Variants in BDP1 observed in about 807,000 individuals in gnomAD.
The protein encoded by BDP1 is transcription factor TFIIIB component B'' homolog.
A neutral mutation model predicts 266.6 loss-of-function variants in BDP1; 169 were observed. The ratio of observed to expected loss-of-function variants is 0.63; its 90% CI spans 0.56 to 0.72. The LOEUF (loss-of-function observed/expected upper bound fraction) is 0.72. BDP1 is among the 30% of genes least tolerant of loss of function. The pLI, the probability that BDP1 is intolerant of heterozygous loss-of-function variation, is 0.00. For synonymous variants in BDP1, 1,090 were observed against 1,022.4 expected, an observed-to-expected ratio of 1.07 and a Z score of -1.26; for missense variants, 3,015 against 3,053.8, an observed-to-expected ratio of 0.99 and a Z score of 0.30.
At chr5:71,469,638 G>A (rs1204987770) in intron 6 of BDP1, among the ~76,000 whole-genome samples, 1 of 151,700 alleles carries the variant, frequency 6.6e-6, no homozygotes, top group African/African-American at 2.4e-5. Context: ...TTTTGAGGTG[G>A]AGTCTCGCTC....
intron 32 of BDP1, among the ~76,000 whole-genome samples, chr5:71,546,850 CT>C (rs35400784): frequency 0.44 from 67,258 of 151,286 alleles, 15,326 homozygotes; most frequent in South Asian, 0.55. Flanking sequence ...TCCATTATAG[CT>C]TTTTTTCTTT....
Position 71,542,213 on chromosome 5 carries a change from G to C in BDP1, c.6360G>C (p.Gln2120His). 1.2e-6 allele frequency: 2 copies of C among 1,613,344 alleles called. No homozygotes were observed. Among genetic ancestry groups the C allele is most frequent in the Non-Finnish European group, 1.7e-6 (2 of 1,179,760 alleles). ...TLGTNRLDDY[Q>H]EVSSLCVTKG... Reference sequence around the variant, plus strand: ...GGACCAACAGGCTTGATGATTATCAGGAAGTTTCCAGTTTGTGTGTAACCA... The same window carrying C: ...GGACCAACAGGCTTGATGATTATCACGAAGTTTCCAGTTTGTGTGTAACCA... Residue 2120 changes from glutamine to histidine, a missense_variant, in exon 30 of 39, where the codon CAG becomes CAC. Physicochemically the swap from Gln to His is conservative, Grantham distance 24. Coordinates refer to ENST00000358731, the MANE Select transcript of BDP1 (RefSeq NM_018429.3).
chr5:71,560,422 AAG>A (rs1743560174), intron 37 of BDP1, among the ~76,000 whole-genome samples, 185 bp downstream of exon 37: 2 of 152,246 alleles, frequency 1.3e-5, no homozygotes, highest in African/African-American at 2.4e-5. Context: ...TCTGTACAAT[AAG>A]AGCTTAAGTG....
Position 71,470,475 on chromosome 5 carries a change from AG to A in BDP1, c.1002del (p.Ile335Ter). 1.2e-6 allele frequency: 2 copies of A among 1,609,168 alleles called. No homozygotes were observed. The highest frequency in any genetic ancestry group is 1.7e-6 in the Non-Finnish European group (2 of 1,176,490). On this transcript the variant is annotated frameshift_variant, in exon 7 of 39. Coordinates refer to ENST00000358731, the MANE Select transcript of BDP1 (RefSeq NM_018429.3). LOFTEE classifies it high-confidence loss of function. ...MIGQLFPHRARIEIKNKFKRE... is the reference protein window; with the variant it reads ...MIGQLFPHRAXIEIKNKFKRE... ...CGGACAACTTTTTCCTCACAGAGCA[AG>A]GATAGAAATTAAGGTAAAGTAAACC...
rs1287847500 is a variant in BDP1 at position 71,491,042 on chromosome 5, G to A, written c.1551G>A (p.Met517Ile). 6.2e-7 allele frequency: 1 copy of A among 1,613,854 alleles called. No homozygotes were observed. The highest frequency in any genetic ancestry group is 8.5e-7 in the Non-Finnish European group (1 of 1,179,898). Residue 517 changes from methionine (M) to isoleucine (I), a missense_variant, in exon 11 of 39, where the codon ATG becomes ATA. Physicochemically the swap from Met to Ile is conservative, Grantham distance 10. This residue lies in a region of BDP1 where 2,383 missense variants were observed against 2,404.9 expected (regional missense o/e 0.99). Transcript: ENST00000358731. ...AAGGTGAATGCAGTAAGGAGCAGATGCTTTCCTGCACACAAAACATAGATG... is the reference window on the plus strand; with the variant it reads ...AAGGTGAATGCAGTAAGGAGCAGATACTTTCCTGCACACAAAACATAGATG... ...LKEGECSKEQ[M>I]LSCTQNIDGI... is the part of the protein sequence containing the mutation.
intron 12 of BDP1, among the ~76,000 whole-genome samples, chr5:71,495,915 G>C (rs1317334143): frequency 6.6e-6 from 1 of 152,040 alleles, no homozygotes. Flanking sequence ...AGTCTTCCTT[G>C]TAATTCCTCA....
In BDP1 at chr5:71,545,081, G is replaced by T; in HGVS notation, c.6606G>T (p.Leu2202Phe). The change falls in exon 32 of 39, where the codon TTG becomes TTT. Residue 2202 changes from leucine (L) to phenylalanine (F), a missense_variant. By Grantham distance (22) the Leu-to-Phe change is conservative. Coordinates refer to ENST00000358731, the MANE Select transcript of BDP1 (RefSeq NM_018429.3). ...AGAGCTCTCAGGAGGTTCACATGTT[G>T]TCAGTTGCTCCAGTTGCTTCCTCTG... Reference protein sequence around the residue: ...QEESSQEVHMLSVAPVASSET... With the variant: ...QEESSQEVHMFSVAPVASSET... 6.2e-7 allele frequency: 1 copy of T among 1,613,522 alleles called. No homozygotes were observed.
chr5:71,484,828 T>C (rs529063739), intron 8 of BDP1, among the ~76,000 whole-genome samples: 3 of 152,196 alleles, frequency 2.0e-5, no homozygotes, highest in African/African-American at 7.2e-5. Flanking sequence ...TTAGCCATAG[T>C]GCTAATTTTA....
intron 7 of BDP1, among the ~76,000 whole-genome samples, chr5:71,482,903 A>C (rs1480219240): frequency 6.6e-6 from 1 of 152,220 alleles, no homozygotes; most frequent in Non-Finnish European, 1.5e-5. Context: ...CTGTACATTA[A>C]AAGATGTTAA....
chr5:71,466,693 C>A (rs779338033), intron 5 of BDP1, among the ~76,000 whole-genome samples: 1 of 151,660 alleles, frequency 6.6e-6, no homozygotes, highest in African/African-American at 2.4e-5. Context: ...TTTAATTTCT[C>A]AGTTATAACA....
Position 71,511,118 on chromosome 5 carries a change from T to C in BDP1, c.4026T>C (p.Asn1342=). The C allele has an allele frequency of 1.9e-6, 3 of 1,614,096 alleles. No individual in the cohort carries two copies. Among genetic ancestry groups the C allele is most frequent in the Non-Finnish European group, 2.5e-6 (3 of 1,179,994 alleles). The change falls in exon 17 of 39, where the codon AAT becomes AAC. Residue 1342 remains asparagine (N), a synonymous_variant. Coordinates refer to ENST00000358731, the MANE Select transcript of BDP1 (RefSeq NM_018429.3). ...TDTHLMQSGS[N]DFSAVPSLDI... is the part of the protein sequence containing the mutation. ...CACATTTAATGCAGAGCGGTAGCAATGACTTCAGTGCTGTGCCTTCACTAG... is the reference window on the plus strand; with the variant it reads ...CACATTTAATGCAGAGCGGTAGCAACGACTTCAGTGCTGTGCCTTCACTAG...
At chr5:71,523,733 G>A (rs1326974289) in intron 24 of BDP1, among the ~76,000 whole-genome samples, 3 of 152,180 alleles carry the variant, frequency 2.0e-5, no homozygotes, top group Non-Finnish European at 2.9e-5. Flanking sequence ...TGAAAAATTT[G>A]TAGGTAGATA....
At chr5:71,539,016 A>T in intron 26 of BDP1, 26 bp from the exon 27 acceptor site, 1 of 1,502,818 alleles carries the variant, frequency 6.7e-7, no homozygotes, top group Non-Finnish European at 9.2e-7. Context: ...GTATTTTAAG[A>T]TGTTACTTAT....
intron 7 of BDP1, among the ~76,000 whole-genome samples, chr5:71,474,823 G>C (rs1238593468): frequency 2.0e-5 from 3 of 148,296 alleles, no homozygotes; most frequent in Non-Finnish European, 4.4e-5. Flanking sequence ...CTCCAGCGTA[G>C]GCAACAGAGC....
rs1435533264 is a variant in BDP1 at position 71,491,012 on chromosome 5, A to T, written c.1521A>T (p.Leu507=). ...AATGTCAGGCTATAAGGCCTGAGCT[A>T]AAGGAAGGTGAATGCAGTAAGGAGC... The part of the protein sequence containing the change: ...KNKCQAIRPE[L]KEGECSKEQM... Residue 507 remains leucine (L), a synonymous_variant, in exon 11 of 39, where the codon CTA becomes CTT. Coordinates refer to ENST00000358731, the MANE Select transcript of BDP1 (RefSeq NM_018429.3). 1.2e-6 allele frequency: 2 copies of T among 1,613,006 alleles called. No individual in the cohort carries two copies. Among genetic ancestry groups the T allele is most frequent in the Non-Finnish European group, 1.7e-6 (2 of 1,179,466 alleles).
chr5:71,460,200 T>G (rs1407405723), intron 2 of BDP1, among the ~76,000 whole-genome samples: 2 of 152,124 alleles, frequency 1.3e-5, no homozygotes, highest in Non-Finnish European at 2.9e-5. Flanking sequence ...GCCAACATGG[T>G]GAAACCCCGT....
At chr5:71,498,171 C>T (rs541927954) in intron 13 of BDP1, among the ~76,000 whole-genome samples, 2 of 152,236 alleles carry the variant, frequency 1.3e-5, no homozygotes, top group African/African-American at 4.8e-5. Context: ...AGGATGGTCT[C>T]TGTCTCCTGA....
chr5:71,533,871 A>G (rs1452331986), intron 26 of BDP1, among the ~76,000 whole-genome samples: 1 of 152,044 alleles, frequency 6.6e-6, no homozygotes, highest in Non-Finnish European at 1.5e-5. Flanking sequence ...TTATGTTCCT[A>G]TTGGCCATTT....
chr5:71,555,513 C>T (rs896228924), intron 35 of BDP1, among the ~76,000 whole-genome samples: 13 of 150,688 alleles, frequency 8.6e-5, no homozygotes, highest in African/African-American at 2.9e-4. Flanking sequence ...GATCTCAGCT[C>T]ACTGCAACCT....
Sources: allele counts gnomAD v4.1 joint callset (sites outside exome capture counted in the v4.1 genomes callset), GRCh38; gene constraint gnomAD v4.1.1; regional missense constraint gnomAD v4.1.1; transcripts MANE v1.5; gene names NCBI Gene and HGNC (gene_info 2026-07-23, HGNC 2026-07-21).